Variants in RNPS1 observed in about 807,000 individuals in gnomAD.
RNPS1 encodes RNA binding protein with serine rich domain 1.
For missense variants in RNPS1, 300 were observed against 427.6 expected, an observed-to-expected ratio of 0.70 and a Z score of 2.63; for synonymous variants, 147 against 150.0, an observed-to-expected ratio of 0.98 and a Z score of 0.15.
chr16:2,263,892 C>CTT (rs753256950), intron 3 of RNPS1: 1 of 347,890 alleles, frequency 2.9e-6, no homozygotes, highest in Non-Finnish European at 5.2e-6. Flanking sequence ...TTACAAATTA[C>CTT]TCTTTTTTTT....
At position 2,267,966 on chromosome 16, in the gene RNPS1, G is replaced by A. The variant is rs547633611; in HGVS notation, c.-118+89C>T. On this transcript the variant is annotated intron_variant, in intron 1 of 7. Coordinates refer to ENST00000320225, the MANE Select transcript of RNPS1 (RefSeq NM_080594.4). ...CAGGCCACCGCCGCACTGCGGGGCTGAGGAGTGGACCGGCTTCACGAGGCG... is the reference window on the plus strand; with the variant it reads ...CAGGCCACCGCCGCACTGCGGGGCTAAGGAGTGGACCGGCTTCACGAGGCG... 92 of 1,533,202 alleles carry A rather than the reference G, an allele frequency of 6.0e-5. 1 individual carries two copies. The South Asian group carries it at 9.2e-4, about 15-fold the overall frequency. 95.0% of individuals were successfully genotyped at this position (1,533,202 alleles called of 1,614,324 possible).
At position 2,253,382 on chromosome 16, in the gene RNPS1, A is replaced by G. The variant is rs963461267; in HGVS notation, c.*582T>C. 10 of 153,694 alleles carry G rather than the reference A, an allele frequency of 6.5e-5. No individual in the cohort carries two copies. The highest frequency in any genetic ancestry group is 2.2e-4 in the African/African-American group (9 of 41,570). 9.5% of individuals were successfully genotyped at this position (153,694 alleles called of 1,614,324 possible). ...AGAGCTGGCTCTCCACTCACTCGCC[A>G]ATTTCAGAGTACAGTGGTGGGGTGC... On this transcript the variant is annotated 3_prime_UTR_variant, in exon 8 of 8. Transcript: ENST00000320225.
Position 2,262,610 on chromosome 16 carries a change from G to A in RNPS1, c.522+130C>T, listed in dbSNP as rs145642921. On this transcript the variant is annotated intron_variant, in intron 5 of 7. Coordinates refer to ENST00000320225, the MANE Select transcript of RNPS1 (RefSeq NM_080594.4). ...GTATTAATGGTCCACCAAGAGGAAC[G>A]AATCAATGCTGTACTCAAACCACAT... is the stretch of plus-strand genomic sequence containing the variant. 4.9e-5 allele frequency: 47 copies of A among 965,782 alleles called. No homozygotes were observed. The African/African-American group carries it at 6.7e-4, about 14-fold the overall frequency. 59.8% of individuals were successfully genotyped at this position (965,782 alleles called of 1,614,324 possible). A position where few individuals can be genotyped will look rare whatever the true frequency, so the allele number is the denominator to read the frequency against.
intron 7 of RNPS1, among the ~76,000 whole-genome samples, chr16:2,255,153 T>C (rs1486926045): frequency 6.6e-6 from 1 of 152,202 alleles, no homozygotes; most frequent in African/African-American, 2.4e-5. Context: ...TTTCCTCCTC[T>C]TCCCCAAAGG....
At chr16:2,264,886 AG>A in intron 1 of RNPS1, 126 bp from the exon 2 acceptor site, 1 of 586,260 alleles carries the variant, frequency 1.7e-6, no homozygotes, top group Non-Finnish European at 2.8e-6. Flanking sequence ...GTGTCCACAC[AG>A]TCAGGAACAC....
In RNPS1 at chr16:2,253,867, G is replaced by A. The variant is rs2093563564; in HGVS notation, c.*97C>T. The A allele has an allele frequency of 1.8e-6, 2 of 1,100,606 alleles. No homozygotes were observed. The highest frequency in any genetic ancestry group is 4.0e-5 in the Admixed American group (2 of 50,386). The allele number at this position is 1,100,606 out of a possible 1,614,324, so 68.2% of individuals were successfully genotyped here. ...TGCCTGCAAATCCTGCCAGAGTCAAGGGTTTGCTTTCCTACTGGTCTTCCT... is the reference window on the plus strand; with the variant it reads ...TGCCTGCAAATCCTGCCAGAGTCAAAGGTTTGCTTTCCTACTGGTCTTCCT... On this transcript the variant is annotated 3_prime_UTR_variant, in exon 8 of 8. Transcript: ENST00000320225.
At chr16:2,260,642 G>T (rs1756828675) in intron 6 of RNPS1, among the ~76,000 whole-genome samples, 1 of 152,078 alleles carries the variant, frequency 6.6e-6, no homozygotes, top group Admixed American at 6.6e-5. Context: ...CAACTCACAG[G>T]TATTTAATTG....
chr16:2,259,323 T>C (rs1274094730), intron 6 of RNPS1, among the ~76,000 whole-genome samples: 1 of 152,178 alleles, frequency 6.6e-6, no homozygotes, highest in Non-Finnish European at 1.5e-5. Context: ...AATTGCAATA[T>C]ATCCTAGTGT....
intron 6 of RNPS1, chr16:2,257,586 G>T (rs1163916934): frequency 1.3e-5 from 2 of 151,992 alleles, no homozygotes. Context: ...CTGTAATCAC[G>T]CCCACCCAGA....
chr16:2,262,724 G>T lies in RNPS1; in HGVS notation c.522+16C>A, dbSNP rs1567326384. The T allele has an allele frequency of 1.2e-6, 2 of 1,604,974 alleles. No homozygotes were observed. The highest frequency in any genetic ancestry group is 2.2e-5 in the East Asian group (1 of 44,836). On this transcript the variant is annotated intron_variant, in intron 5 of 7. Transcript: ENST00000320225. ...TCCACACCCCACTGCCCACAGGAGA[G>T]ATCCATGATCCTCACCTTTGTCACA...
At chr16:2,259,123 C>CAA (rs34193204) in intron 6 of RNPS1, among the ~76,000 whole-genome samples, 3,186 of 113,604 alleles carry the variant, frequency 0.028, 48 homozygotes, top group African/African-American at 0.048. Context: ...AAAAAAGTCT[C>CAA]AAAAAAAAAA....
intron 1 of RNPS1, chr16:2,265,769 C>CACCAGACCCGG (rs1297614740): frequency 2.0e-5 from 3 of 152,210 alleles, no homozygotes; most frequent in South Asian, 4.1e-4. Context: ...AGGCGTGAGC[C>CACCAGACCCGG]ACCAGACCCG....
At chr16:2,267,039 G>T in intron 1 of RNPS1, 6 of 422,224 alleles carry the variant, frequency 1.4e-5, no homozygotes, top group African/African-American at 2.2e-5. Flanking sequence ...ACTAAGATCT[G>T]CCCGAATGTA....
intron 1 of RNPS1, chr16:2,266,604 G>A (rs1005595782): frequency 3.9e-5 from 38 of 985,204 alleles, no homozygotes; most frequent in Admixed American, 1.8e-4. Flanking sequence ...CTCCACGTCC[G>A]GAGGCTCCTT....
Position 2,264,292 on chromosome 16 carries a change from C to G in RNPS1, c.111G>C (p.Glu37Asp). The G allele has an allele frequency of 6.2e-7, 1 of 1,614,178 alleles. No homozygotes were observed. Among genetic ancestry groups the G allele is most frequent in the Non-Finnish European group, 8.5e-7 (1 of 1,180,036 alleles). Residue 37 changes from glutamate (E) to aspartate (D), a missense_variant, in exon 3 of 8, where the codon GAG (glutamate) becomes GAC (aspartate). By Grantham distance (45) the Glu-to-Asp change is conservative (BLOSUM62 2). Transcript: ENST00000320225. ...TATCTTTTGAGCGATCCTTGGACTT[C>G]TCATCTGAGCGGTCTTTGCGTTTGG... is the stretch of plus-strand genomic sequence containing the variant. ...SPTKRKDRSD[E>D]KSKDRSKDKG...
chr16:2,261,762 G>A (rs1280352070), intron 6 of RNPS1, among the ~76,000 whole-genome samples: 3 of 152,096 alleles, frequency 2.0e-5, no homozygotes, highest in Non-Finnish European at 2.9e-5. Context: ...CAGTTTTATT[G>A]GGAAGAAAAC....
At chr16:2,264,114 T>G in intron 3 of RNPS1, 62 bp downstream of exon 3, 1 of 1,579,736 alleles carries the variant, frequency 6.3e-7, no homozygotes, top group Non-Finnish European at 8.7e-7. Context: ...GAGCCATCTG[T>G]GGGGAGTGGG....
At chr16:2,267,574 C>A in intron 1 of RNPS1, 1 of 1,060,356 alleles carries the variant, frequency 9.4e-7, no homozygotes, top group Non-Finnish European at 1.1e-6. Flanking sequence ...GATCGGCCGA[C>A]CTTCCACCGC....
At chr16:2,264,898 A>G in intron 1 of RNPS1, 138 bp from the exon 2 acceptor site, 2 of 591,966 alleles carry the variant, frequency 3.4e-6, no homozygotes, top group Non-Finnish European at 5.5e-6. Context: ...TCAGGAACAC[A>G]TAGGGACAGT....
Sources: allele counts gnomAD v4.1 joint callset (sites outside exome capture counted in the v4.1 genomes callset), GRCh38; gene constraint gnomAD v4.1.1; transcripts MANE v1.5; gene names NCBI Gene and HGNC (gene_info 2026-07-23, HGNC 2026-07-21).